The following CDC25B variants were observed in gnomAD, a reference collection of about 807,000 sequenced individuals.
CDC25B encodes M-phase inducer phosphatase 2.
In CDC25B, 33 loss-of-function variants were observed where a neutral mutation model predicts 69.8. The ratio of observed to expected loss-of-function variants is 0.47; its 90% CI spans 0.36 to 0.63. CDC25B has a LOEUF of 0.63. Ranked by LOEUF, CDC25B falls within the 30% of genes least tolerant of loss-of-function variation. CDC25B has a pLI of 0.00. For missense variants in CDC25B, 727 were observed against 809.1 expected, an observed-to-expected ratio of 0.90 and a Z score of 1.23; for synonymous variants, 341 against 314.6, an observed-to-expected ratio of 1.08 and a Z score of -0.89.
chr20:3,805,479 C>T lies in CDC25B; in HGVS notation c.*518C>T. 3.3e-6 allele frequency: 1 copy of T among 303,596 alleles called. No individual in the cohort carries two copies. Among genetic ancestry groups the T allele is most frequent in the East Asian group, 5.6e-5 (1 of 17,992 alleles). 18.8% of individuals were successfully genotyped at this position (303,596 alleles called of 1,614,324 possible). Reference sequence around the variant, plus strand: ...GTTGCCCCTTTCTCTTTTCCCCTTTCCTGTCCCACCATACGAGCACCTCCA... The same window carrying T: ...GTTGCCCCTTTCTCTTTTCCCCTTTTCTGTCCCACCATACGAGCACCTCCA... On this transcript the variant is annotated 3_prime_UTR_variant, in exon 16 of 16. Coordinates refer to ENST00000245960, the MANE Select transcript of CDC25B (RefSeq NM_021873.4).
At chr20:3,799,484 CTGTGTGTGTGTGTGTGTGTGTG>C (rs60482329) in intron 3 of CDC25B, among the ~76,000 whole-genome samples, 3 of 131,608 alleles carry the variant, frequency 2.3e-5, no homozygotes, top group Admixed American at 7.4e-5. Flanking sequence ...TTCTCAGAAG[CTGTGTGTGTGTGTGTGTGTGTG>C]TGTGTGTGTG....
intron 1 of CDC25B, among the ~76,000 whole-genome samples, chr20:3,791,152 C>T (rs1442148471): frequency 6.6e-6 from 1 of 152,222 alleles, no homozygotes; most frequent in Non-Finnish European, 1.5e-5. Flanking sequence ...GCAAAGGAAT[C>T]ACCTCCCCTA....
rs1441448337 is a variant in CDC25B at position 3,796,350 on chromosome 20, C to T, written c.-182C>T. 4.6e-6 allele frequency: 6 copies of T among 1,301,150 alleles called. No individual in the cohort carries two copies. In the South Asian group the frequency reaches 5.6e-5, roughly 12 times the overall value. The allele number at this position is 1,301,150 out of a possible 1,614,324, so 80.6% of individuals were successfully genotyped here. On this transcript the variant is annotated 5_prime_UTR_variant, in exon 1 of 16. Transcript: ENST00000245960. Reference sequence around the variant, plus strand: ...TGGTGCCTGAGCCCGGCGTCCCTCGCCCCCCGCCCTCCCCGCATCCCTCTC... The same window carrying T: ...TGGTGCCTGAGCCCGGCGTCCCTCGTCCCCCGCCCTCCCCGCATCCCTCTC...
intron 1 of CDC25B, among the ~76,000 whole-genome samples, chr20:3,789,857 C>T (rs1213164947): frequency 4.6e-5 from 7 of 151,902 alleles, no homozygotes; most frequent in African/African-American, 1.2e-4. Flanking sequence ...GGCATGGTGG[C>T]GGGCGCCTGT....
intron 10 of CDC25B, 42 bp from the exon 11 acceptor site, chr20:3,802,239 A>T: frequency 6.4e-7 from 1 of 1,570,588 alleles, no homozygotes; most frequent in Non-Finnish European, 8.7e-7. Flanking sequence ...ACTGGGGGGC[A>T]GCCCCACCCT....
chr20:3,796,068 C>T, upstream of CDC25B: 2 of 1,005,872 alleles, frequency 2.0e-6, no homozygotes, highest in Non-Finnish European at 2.4e-6. Flanking sequence ...CAAACCATGT[C>T]GCGAGAGGCG....
At chr20:3,799,131 C>T (rs1395206661) in intron 3 of CDC25B, among the ~76,000 whole-genome samples, 3 of 152,222 alleles carry the variant, frequency 2.0e-5, no homozygotes, top group Non-Finnish European at 2.9e-5. Flanking sequence ...TTAGTAGGGA[C>T]AGCTGGGCAT....
chr20:3,789,432 G>A (rs561357729), intron 1 of CDC25B, among the ~76,000 whole-genome samples: 5 of 151,990 alleles, frequency 3.3e-5, no homozygotes, highest in Admixed American at 6.6e-5. Flanking sequence ...GTGCAGTGGC[G>A]TGATCTCAGC....
chr20:3,802,281 A>G lies in CDC25B; in HGVS notation c.1099A>G (p.Lys367Glu). Reference sequence around the variant, plus strand: ...GGCCTCCATCTGACTCACTTTCCAGAAAGCCCGCGTCCTCCGCTCAAAATC... The same window carrying G: ...GGCCTCCATCTGACTCACTTTCCAGGAAGCCCGCGTCCTCCGCTCAAAATC... ...PEEQQEAEEP[K>E]ARVLRSKSLC... The change falls in exon 11 of 16, where the codon AAA becomes GAA. Residue 367 changes from lysine to glutamate, a missense_variant and splice_region_variant. Lys to Glu is a moderately conservative substitution (Grantham distance 56). Coordinates refer to ENST00000245960, the MANE Select transcript of CDC25B (RefSeq NM_021873.4). 1 of 1,610,876 alleles carries G rather than the reference A, an allele frequency of 6.2e-7. No individual in the cohort carries two copies.
chr20:3,797,842 A>T, intron 2 of CDC25B, 93 bp downstream of exon 2: 2 of 1,487,180 alleles, frequency 1.3e-6, no homozygotes, highest in Non-Finnish European at 9.2e-7. Flanking sequence ...GATCAAACTA[A>T]CATCCTCCCC....
chr20:3,787,364 A>G (rs1372916578), intron 1 of CDC25B, among the ~76,000 whole-genome samples: 1 of 152,234 alleles, frequency 6.6e-6, no homozygotes, highest in Non-Finnish European at 1.5e-5. Context: ...AATGAACACT[A>G]GCGTATGTAA....
upstream of CDC25B, among the ~76,000 whole-genome samples, chr20:3,793,444 G>A (rs1255914905): frequency 6.6e-6 from 1 of 151,444 alleles, no homozygotes. Context: ...GCGACAGGGC[G>A]AGACTCCATC....
chr20:3,801,714 G>A lies in CDC25B; in HGVS notation c.841-8G>A. 6.3e-7 allele frequency: 1 copy of A among 1,590,354 alleles called. No homozygotes were observed. The highest frequency in any genetic ancestry group is 1.1e-5 in the South Asian group (1 of 87,408). On this transcript the variant is annotated splice_polypyrimidine_tract_variant and splice_region_variant and intron_variant, in intron 8 of 15. Coordinates refer to ENST00000245960, the MANE Select transcript of CDC25B (RefSeq NM_021873.4). ...GTTGTGACCCTGTCCTTGCTAATCT[G>A]GCCTCAGGATGATGATGCAGTTCCC...
chr20:3,796,115 G>A, upstream of CDC25B: 1 of 1,031,100 alleles, frequency 9.7e-7, no homozygotes, highest in Non-Finnish European at 1.2e-6. Context: ...CCAGGGGGAT[G>A]TGCGAGGGTG....
At chr20:3,795,008 C>T (rs1320801531), upstream of CDC25B, among the ~76,000 whole-genome samples, 2 of 152,186 alleles carry the variant, frequency 1.3e-5, no homozygotes, top group African/African-American at 4.8e-5. Flanking sequence ...TTGGGTGCAG[C>T]CTTCAGGCCT....
At position 3,800,817 on chromosome 20, in the gene CDC25B, C is replaced by T. The variant is rs376072567; in HGVS notation, c.534C>T (p.Ser178=). The change falls in exon 6 of 16, where the codon AGC becomes AGT. Residue 178 remains serine (S), a synonymous_variant. Coordinates refer to ENST00000245960, the MANE Select transcript of CDC25B (RefSeq NM_021873.4). The part of the protein sequence containing the change: ...NSQAPDGRRK[S]EAGSGAASSS... ...AGGCGCCCGACGGCCGGAGGAAGAGCGAGGCGGGCAGTGGAGCTGCCAGCA... is the reference window on the plus strand; with the variant it reads ...AGGCGCCCGACGGCCGGAGGAAGAGTGAGGCGGGCAGTGGAGCTGCCAGCA... 64 of 1,613,114 alleles carry T rather than the reference C, an allele frequency of 4.0e-5. No homozygotes were observed. The highest frequency in any genetic ancestry group is 6.7e-5 in the Admixed American group (4 of 59,996).
upstream of CDC25B, chr20:3,796,268 A>C: frequency 7.7e-7 from 1 of 1,305,836 alleles, no homozygotes; most frequent in Non-Finnish European, 9.7e-7. Flanking sequence ...GGCTGCTGTT[A>C]TTTTTCGAAT....
chr20:3,797,699 G>C lies in CDC25B; in HGVS notation c.278G>C (p.Arg93Pro), dbSNP rs762720996. ...SRLTHLSLSRRASESSLSSES... is the reference protein window; with the variant it reads ...SRLTHLSLSRPASESSLSSES... The stretch of plus-strand genomic sequence containing the variant: ...CTGACGCACCTATCCCTGTCTCGAC[G>C]GGCATCCGAATCCTCCCTGTCGTCT... The change falls in exon 2 of 16, where the codon CGG becomes CCG. Residue 93 changes from arginine to proline, a missense_variant. This residue lies in a region of CDC25B where 368 missense variants were observed against 345.6 expected (regional missense o/e 1.06). Coordinates refer to ENST00000245960, the MANE Select transcript of CDC25B (RefSeq NM_021873.4). 4 of 1,614,054 alleles carry C rather than the reference G, an allele frequency of 2.5e-6. No individual in the cohort carries two copies. The highest frequency in any genetic ancestry group is 1.1e-5 in the South Asian group (1 of 91,088).
chr20:3,796,183 C>T, upstream of CDC25B: 1 of 1,173,346 alleles, frequency 8.5e-7, no homozygotes, highest in South Asian at 2.7e-5. Flanking sequence ...GCCTCCGCGC[C>T]TCTTGCCCTG....
Sources: allele counts gnomAD v4.1 joint callset (sites outside exome capture counted in the v4.1 genomes callset), GRCh38; gene constraint gnomAD v4.1.1; regional missense constraint gnomAD v4.1.1; transcripts MANE v1.5; gene names NCBI Gene and HGNC (gene_info 2026-07-23, HGNC 2026-07-21).